ATRN: variants seen among roughly 807,000 people sequenced by gnomAD.
ATRN encodes the protein attractin-2.
A neutral mutation model predicts 178.7 loss-of-function variants in ATRN; 54 were observed. The ratio of observed to expected loss-of-function variants is 0.30; its 90% CI spans 0.24 to 0.38. The LOEUF (loss-of-function observed/expected upper bound fraction) is 0.38. Ranked by LOEUF, ATRN falls within the 10% of genes least tolerant of loss-of-function variation. The pLI is 1.00. For missense variants in ATRN, 1,443 were observed against 1,815.1 expected (o/e 0.79, Z 3.73); for synonymous variants, 636 against 663.0 (o/e 0.96, Z 0.63).
rs763902688 is a variant in ATRN, at chr20:3,585,432, A to G, written c.3184+552A>G. Among the ~76,000 whole-genome samples the G allele has an allele frequency of 2.4e-4, 37 of 152,334 alleles. 1 individual carries two copies. In the South Asian group the frequency reaches 2.9e-3, roughly 12 times the overall value. On this transcript the variant is annotated intron_variant, in intron 18 of 28. Coordinates refer to ENST00000262919, the MANE Select transcript of ATRN (RefSeq NM_139321.3). Reference sequence around the variant, plus strand: ...AACAGAAAAAGTGGTTATTGGAGATAAAGAAGCCATTCTCAGAAAAGGAAA... The same window carrying G: ...AACAGAAAAAGTGGTTATTGGAGATGAAGAAGCCATTCTCAGAAAAGGAAA...
intron 2 of ATRN, among the ~76,000 whole-genome samples, chr20:3,537,954 A>C (rs1040530287): frequency 1.8e-5 from 2 of 113,240 alleles, no homozygotes; most frequent in African/African-American, 3.4e-5. Flanking sequence ...TCTTTTTTTT[A>C]TTTTTTAATT....
At chr20:3,642,772 C>T (rs768145716) in intron 27 of ATRN, among the ~76,000 whole-genome samples, 3 of 152,164 alleles carry the variant, frequency 2.0e-5, no homozygotes, top group Non-Finnish European at 2.9e-5. Flanking sequence ...ATTTCCATCC[C>T]ACGTTTATTC....
At chr20:3,489,449 G>T (rs1600017612) in intron 1 of ATRN, 5 of 828,606 alleles carry the variant, frequency 6.0e-6, no homozygotes, top group South Asian at 4.1e-5. Context: ...GTCTTTAAGA[G>T]AATTTGGTTG....
At chr20:3,529,516 A>G (rs753247720) in intron 1 of ATRN, among the ~76,000 whole-genome samples, 2 of 152,264 alleles carry the variant, frequency 1.3e-5, no homozygotes, top group Admixed American at 6.5e-5. Context: ...AACTATTGAT[A>G]CAATACTTAG....
At chr20:3,483,800 C>CAA (rs150372446) in intron 1 of ATRN, among the ~76,000 whole-genome samples, 5 of 147,658 alleles carry the variant, frequency 3.4e-5, no homozygotes, top group Middle Eastern at 3.2e-3. Context: ...TATTATTTTT[C>CAA]AAAAAAAAAC....
At position 3,474,495 on chromosome 20, in the gene ATRN, C is replaced by T. The variant is rs2084485581; in HGVS notation, c.410+2978C>T. 2.7e-5 allele frequency among the ~76,000 whole-genome samples: 4 copies of T among 148,388 alleles called. No homozygotes were observed. In the South Asian group the frequency reaches 6.4e-4, roughly 24 times the overall value. On this transcript the variant is annotated intron_variant, in intron 1 of 28. Coordinates refer to ENST00000262919, the MANE Select transcript of ATRN (RefSeq NM_139321.3). ...AGGCCGAGGCGGTGTATCACGAGGT[C>T]AGGAGATCGAGACCATCCTGGCTAA...
At chr20:3,586,975 T>C (rs2086366207) in intron 18 of ATRN, among the ~76,000 whole-genome samples, 1 of 152,208 alleles carries the variant, frequency 6.6e-6, no homozygotes, top group Non-Finnish European at 1.5e-5. Context: ...TCATTTGTAT[T>C]TTCCTGATAA....
At chr20:3,481,702 T>C (rs1464922739) in intron 1 of ATRN, among the ~76,000 whole-genome samples, 3 of 152,070 alleles carry the variant, frequency 2.0e-5, no homozygotes, top group Non-Finnish European at 4.4e-5. Context: ...TGGGTGGACT[T>C]CAGTTCTAGC....
chr20:3,636,961 C>T (rs2087029930), intron 26 of ATRN, among the ~76,000 whole-genome samples: 2 of 152,032 alleles, frequency 1.3e-5, no homozygotes, highest in Admixed American at 1.3e-4. Context: ...TAGAGATTTG[C>T]CTGCATAAAA....
chr20:3,539,525 A>G (rs1470405482), intron 2 of ATRN, among the ~76,000 whole-genome samples: 2 of 152,154 alleles, frequency 1.3e-5, no homozygotes, highest in African/African-American at 2.4e-5. Flanking sequence ...GGGTTTTTTT[A>G]TCTGGTTGCT....
chr20:3,474,042 T>C (rs2084474668), intron 1 of ATRN, among the ~76,000 whole-genome samples: 1 of 152,056 alleles, frequency 6.6e-6, no homozygotes, highest in Non-Finnish European at 1.5e-5. Context: ...GCATGCATGC[T>C]GAGTTTGGGG....
intron 28 of ATRN, 143 bp downstream of exon 28, chr20:3,644,411 T>G (rs1400971909): frequency 1.4e-6 from 1 of 736,248 alleles, no homozygotes; most frequent in East Asian, 2.7e-5. Flanking sequence ...TTCAGTGAGA[T>G]AACCCATTTT....
chr20:3,606,383 C>T (rs904329024), intron 24 of ATRN, among the ~76,000 whole-genome samples: 1 of 152,208 alleles, frequency 6.6e-6, no homozygotes, highest in Non-Finnish European at 1.5e-5. Context: ...TCCTCTTCCT[C>T]TTCCTTAAAC....
chr20:3,626,711 AG>A (rs2086942850), intron 25 of ATRN, among the ~76,000 whole-genome samples: 1 of 151,830 alleles, frequency 6.6e-6, no homozygotes, highest in African/African-American at 2.4e-5. Context: ...TCTTCCCCAA[AG>A]GTACCATTTA....
At chr20:3,636,493 G>A (rs537285529) in intron 26 of ATRN, among the ~76,000 whole-genome samples, 19 of 152,088 alleles carry the variant, frequency 1.2e-4, no homozygotes, top group Non-Finnish European at 2.6e-4. Flanking sequence ...CCTTTTTAAC[G>A]CTATGAAGAA....
chr20:3,540,307 A>G lies in ATRN; in HGVS notation c.580A>G (p.Ile194Val), dbSNP rs374983614. 5.0e-5 allele frequency: 81 copies of G among 1,608,698 alleles called. No individual in the cohort carries two copies. Among genetic ancestry groups the G allele is most frequent in the East Asian group, 4.5e-4 (20 of 44,768 alleles). Reference sequence around the variant, plus strand: ...TTTATATGTTTATGATGGGGACTCAATTTATGCACCGCTAGTTGCTGCATT... The same window carrying G: ...TTTATATGTTTATGATGGGGACTCAGTTTATGCACCGCTAGTTGCTGCATT... ...DHLYVYDGDSIYAPLVAAFSG... is the reference protein window; with the variant it reads ...DHLYVYDGDSVYAPLVAAFSG... The change falls in exon 3 of 29, where the codon ATT (isoleucine) becomes GTT (valine). Residue 194 changes from isoleucine to valine, a missense_variant. Physicochemically the swap from Ile to Val is conservative, Grantham distance 29. Around this residue, in one of 4 missense-constraint regions of ATRN, gnomAD observed 862 missense variants for 972.1 expected, o/e 0.89. Coordinates refer to ENST00000262919, the MANE Select transcript of ATRN (RefSeq NM_139321.3).
chr20:3,529,483 C>T (rs2085420474), intron 1 of ATRN, among the ~76,000 whole-genome samples: 1 of 152,148 alleles, frequency 6.6e-6, no homozygotes, highest in Non-Finnish European at 1.5e-5. Flanking sequence ...CAAGAGAATA[C>T]TACTCAGCAG....
chr20:3,628,709 C>T (rs2086964699), intron 25 of ATRN, among the ~76,000 whole-genome samples: 1 of 151,930 alleles, frequency 6.6e-6, no homozygotes, highest in Non-Finnish European at 1.5e-5. Context: ...AAGCAGGACA[C>T]TATATTGCCA....
rs1438184567 is a variant in ATRN, at chr20:3,560,816, C to T, written c.1358C>T (p.Thr453Ile). The T allele has an allele frequency of 6.2e-7, 1 of 1,614,146 alleles. No homozygotes were observed. Among genetic ancestry groups the T allele is most frequent in the Non-Finnish European group, 8.5e-7 (1 of 1,180,026 alleles). ...AVVGHSAHIV[T>I]LKNGRVVMLV... is the part of the protein sequence containing the mutation. ...GTTGGGCACTCTGCACACATTGTTA[C>T]ACTGAAGAATGGCCGAGTGGTCATG... The change falls in exon 8 of 29, where the codon ACA (threonine) becomes ATA (isoleucine). Residue 453 changes from threonine (T) to isoleucine (I), a missense_variant. Transcript: ENST00000262919.
Sources: allele counts gnomAD v4.1 joint callset (sites outside exome capture counted in the v4.1 genomes callset), GRCh38; gene constraint gnomAD v4.1.1; regional missense constraint gnomAD v4.1.1; transcripts MANE v1.5; gene names NCBI Gene and HGNC (gene_info 2026-07-23, HGNC 2026-07-21).